The following SPEN variants were observed in gnomAD, a reference collection of about 807,000 sequenced individuals.
The protein encoded by SPEN is msx2-interacting protein.
A neutral mutation model predicts 269.9 loss-of-function variants in SPEN; 18 were observed. The observed-to-expected ratio is 0.07, with a 90% CI of 0.05 to 0.10. The LOEUF is 0.10. Among genes scored for constraint, SPEN ranks in the 10% least tolerant of loss-of-function variants. SPEN has a pLI of 1.00. For missense variants in SPEN, 3,822 were observed against 4,631.2 expected (o/e 0.83, Z 5.07); for synonymous variants, 1,726 against 1,765.7 (o/e 0.98, Z 0.56).
intron 7 of SPEN, 41 bp downstream of exon 7, chr1:15,919,092 C>G: frequency 6.4e-7 from 1 of 1,574,390 alleles, no homozygotes. Flanking sequence ...TTATGATTTG[C>G]TTTGTTTTTT....
intron 3 of SPEN, among the ~76,000 whole-genome samples, chr1:15,885,209 A>AT (rs575141801): frequency 1.3e-4 from 20 of 149,314 alleles, no homozygotes; most frequent in Admixed American, 3.4e-4. Flanking sequence ...GTGATTCTTT[A>AT]TTTTTTTTTT....
In SPEN at chr1:15,932,949, C is replaced by G. The variant is rs143534390; in HGVS notation, c.6709C>G (p.Pro2237Ala). Residue 2237 changes from proline to alanine, a missense_variant, in exon 11 of 15, where the codon CCA becomes GCA. Physicochemically the swap from Pro to Ala is conservative, Grantham distance 27. Transcript: ENST00000375759. The surrounding 1 kb of genome is among the most constrained non-coding windows in gnomAD (Gnocchi z 4.2). ...SGEPENFPAP[P>A]PYPGESQTDL... ...GGAGCCAGAAAACTTCCCAGCACCT[C>G]CACCTTATCCTGGAGAATCCCAGAC... 133 of 1,614,232 alleles carry G rather than the reference C, an allele frequency of 8.2e-5. No homozygotes were observed. The highest frequency in any genetic ancestry group is 6.9e-4 in the South Asian group (63 of 91,084).
rs145806207 is a variant in SPEN at position 15,933,887 on chromosome 1, C to T, written c.7647C>T (p.Val2549=). The T allele has an allele frequency of 5.7e-4, 922 of 1,613,980 alleles. 6 individuals carry two copies. In the African/African-American group the frequency reaches 0.01, roughly 18 times the overall value. The change falls in exon 11 of 15, where the codon GTC becomes GTT. Residue 2549 remains valine (V), a synonymous_variant. Coordinates refer to ENST00000375759, the MANE Select transcript of SPEN (RefSeq NM_015001.3). The surrounding 1 kb of genome is among the most constrained non-coding windows in gnomAD (Gnocchi z 5.7). The part of the protein sequence containing the change: ...MDPKYVSATS[V]TSTSVTTAIA... Reference sequence around the variant, plus strand: ...CCAAGTATGTGTCTGCCACAAGTGTCACTTCCACAAGTGTCACCACAGCCA... The same window carrying T: ...CCAAGTATGTGTCTGCCACAAGTGTTACTTCCACAAGTGTCACCACAGCCA...
chr1:15,933,767 G>GGCTCAGTCTACTCCATCTCCA lies in SPEN; in HGVS notation c.7532_7552dup (p.Gln2511_Ala2517dup), dbSNP rs754048628. 1 of 1,613,918 alleles carries GGCTCAGTCTACTCCATCTCCA rather than the reference G, an allele frequency of 6.2e-7. No individual in the cohort carries two copies. Among genetic ancestry groups the GGCTCAGTCTACTCCATCTCCA allele is most frequent in the Non-Finnish European group, 8.5e-7 (1 of 1,180,030 alleles). ...GGATCACAAGGCAGGAGGAGCCACG[G>GGCTCAGTCTACTCCATCTCCA]GCTCAGTCTACTCCATCTCCAGCTC... On this transcript the variant is annotated inframe_insertion, in exon 11 of 15. Transcript: ENST00000375759. The surrounding 1 kb of genome is among the most constrained non-coding windows in gnomAD (Gnocchi z 5.7).
rs553238593 is a variant in SPEN, at chr1:15,916,107, C to T, written c.1244-21C>T. The T allele has an allele frequency of 7.5e-6, 12 of 1,591,186 alleles. No individual in the cohort carries two copies. The East Asian group carries it at 1.1e-4, about 15-fold the overall frequency. On this transcript the variant is annotated intron_variant, in intron 5 of 14. Transcript: ENST00000375759. The stretch of plus-strand genomic sequence containing the variant: ...TAAAATACTGTCTTCTCTTTTTACT[C>T]GGCCCCCATTCCACTTACAGAAACA...
Position 15,933,329 on chromosome 1 carries a change from A to G in SPEN, c.7089A>G (p.Gln2363=). 6.2e-7 allele frequency: 1 copy of G among 1,614,156 alleles called. No homozygotes were observed. The highest frequency in any genetic ancestry group is 8.5e-7 in the Non-Finnish European group (1 of 1,180,036). ...ESHVPESNQA[Q]GESPAANEGT... Reference sequence around the variant, plus strand: ...ATGTCCCTGAATCCAACCAAGCTCAAGGTGAGAGTCCTGCTGCAAATGAGG... The same window carrying G: ...ATGTCCCTGAATCCAACCAAGCTCAGGGTGAGAGTCCTGCTGCAAATGAGG... Residue 2363 remains glutamine, a synonymous_variant, in exon 11 of 15, where the codon CAA becomes CAG. Coordinates refer to ENST00000375759, the MANE Select transcript of SPEN (RefSeq NM_015001.3). The surrounding 1 kb of genome is among the most constrained non-coding windows in gnomAD (Gnocchi z 5.7).
chr1:15,900,092 G>A (rs980165345), intron 3 of SPEN, among the ~76,000 whole-genome samples: 7 of 152,008 alleles, frequency 4.6e-5, no homozygotes, highest in East Asian at 1.9e-4. Flanking sequence ...GCGGTCCACC[G>A]TCCTCGGCCT....
intron 1 of SPEN, among the ~76,000 whole-genome samples, chr1:15,861,515 AATT>A (rs1448724179): frequency 2.0e-5 from 3 of 152,158 alleles, no homozygotes; most frequent in Non-Finnish European, 4.4e-5. Context: ...AGTTTTAAAA[AATT>A]ATTATTTTAC....
chr1:15,852,324 T>C (rs2070344481), intron 1 of SPEN, among the ~76,000 whole-genome samples: 1 of 152,188 alleles, frequency 6.6e-6, no homozygotes, highest in Non-Finnish European at 1.5e-5. Flanking sequence ...ACCTCTGGTT[T>C]TGAATATTCT....
intron 1 of SPEN, among the ~76,000 whole-genome samples, chr1:15,860,636 C>G (rs894828337): frequency 1.3e-4 from 19 of 150,940 alleles, no homozygotes; most frequent in African/African-American, 4.6e-4. Flanking sequence ...TGGAGTCTTG[C>G]TCTGTCTCCA....
At chr1:15,884,364 C>G (rs2070716764) in intron 3 of SPEN, among the ~76,000 whole-genome samples, 1 of 151,910 alleles carries the variant, frequency 6.6e-6, no homozygotes, top group Non-Finnish European at 1.5e-5. Flanking sequence ...TTGCAGTTAA[C>G]TTATTTTAGT....
chr1:15,940,305 G>A lies in SPEN; in HGVS notation c.*878G>A. ...GATGTGGAAGTGTCACACGGCACCT[G>A]TACAAAAAGACTGGCTAACCCCTCT... On this transcript the variant is annotated 3_prime_UTR_variant, in exon 15 of 15. Transcript: ENST00000375759. 4.3e-6 allele frequency: 1 copy of A among 233,104 alleles called. No individual in the cohort carries two copies. Among genetic ancestry groups the A allele is most frequent in the Non-Finnish European group, 8.5e-6 (1 of 117,704 alleles). 14.4% of individuals were successfully genotyped at this position (233,104 alleles called of 1,614,324 possible). A position where few individuals can be genotyped will look rare whatever the true frequency, so the allele number is the denominator to read the frequency against.
intron 1 of SPEN, among the ~76,000 whole-genome samples, chr1:15,855,752 A>C (rs1312785444): frequency 6.6e-6 from 1 of 151,332 alleles, no homozygotes; most frequent in Non-Finnish European, 1.5e-5. Flanking sequence ...AATCCCAGCT[A>C]CTCGGGAGGC....
At chr1:15,871,909 T>C (rs1200444714) in intron 1 of SPEN, among the ~76,000 whole-genome samples, 1 of 152,164 alleles carries the variant, frequency 6.6e-6, no homozygotes, top group African/African-American at 2.4e-5. Flanking sequence ...TAGTCGTTTT[T>C]AGACTATAAA....
intron 5 of SPEN, among the ~76,000 whole-genome samples, chr1:15,914,828 G>GA (rs1047190613): frequency 9.3e-5 from 14 of 151,294 alleles, no homozygotes; most frequent in African/African-American, 3.4e-4. Flanking sequence ...CCATCTCAAA[G>GA]AAAAAAAAGA....
chr1:15,876,238 T>C lies in SPEN; in HGVS notation c.441T>C (p.Ser147=). ...ACAGGGAGCGTGCTTATGAACATAG[T>C]GCCTATGGACACCATGAACGGGGGA... is the stretch of plus-strand genomic sequence containing the variant. The part of the protein sequence containing the change: ...SDNRERAYEH[S]AYGHHERGTG... The change falls in exon 3 of 15, where the codon AGT becomes AGC. Residue 147 remains serine, a synonymous_variant. Transcript: ENST00000375759. 1 of 1,614,018 alleles carries C rather than the reference T, an allele frequency of 6.2e-7. No homozygotes were observed. The highest frequency in any genetic ancestry group is 8.5e-7 in the Non-Finnish European group (1 of 1,179,976).
chr1:15,909,293 A>G (rs749529660), intron 3 of SPEN, 28 bp from the exon 4 acceptor site: 3 of 1,584,412 alleles, frequency 1.9e-6, no homozygotes, highest in Non-Finnish European at 1.7e-6. Flanking sequence ...TCTTTTCACT[A>G]AAGTTTGTTG....
chr1:15,932,602 C>T lies in SPEN; in HGVS notation c.6362C>T (p.Pro2121Leu), dbSNP rs757078611. 12 of 1,606,814 alleles carry T rather than the reference C, an allele frequency of 7.5e-6. No homozygotes were observed. The East Asian group carries it at 2.0e-4, about 27-fold the overall frequency. The change falls in exon 11 of 15, where the codon CCT (proline) becomes CTT (leucine). Residue 2121 changes from proline to leucine, a missense_variant. Physicochemically the swap from Pro to Leu is moderately conservative, Grantham distance 98 (BLOSUM62 -3). Around this residue, in one of 16 missense-constraint regions of SPEN, gnomAD observed 727 missense variants for 737.9 expected, o/e 0.99. Transcript: ENST00000375759. This position sits in a 1 kb window ranked among gnomAD's most constrained non-coding sequence, Gnocchi z 4.2. ...GAATCTGGGGTGGTGGCAGTCTCCC[C>T]TGAGAAAAGTGAGAGTCCCCAAAAG... ...ERESGVVAVS[P>L]EKSESPQKED...
In SPEN at chr1:15,935,039, C is replaced by T; in HGVS notation, c.8799C>T (p.Thr2933=). The change falls in exon 11 of 15, where the codon ACC becomes ACT. Residue 2933 remains threonine, a synonymous_variant. Coordinates refer to ENST00000375759, the MANE Select transcript of SPEN (RefSeq NM_015001.3). This position sits in a 1 kb window ranked among gnomAD's most constrained non-coding sequence, Gnocchi z 7.7. ...AGGGAGGCACAGTGAAGGTTCTCAC[C>T]CAGGGGATCAACACACCCCCTGTGC... ...VTQGGTVKVL[T]QGINTPPVLV... 1.2e-6 allele frequency: 2 copies of T among 1,614,044 alleles called. No homozygotes were observed. Among genetic ancestry groups the T allele is most frequent in the Non-Finnish European group, 1.7e-6 (2 of 1,179,988 alleles).
Sources: gnomAD v4.1 joint callset for allele counts (sites outside exome capture counted in the v4.1 genomes callset) on GRCh38, gnomAD v4.1.1 for gene constraint, gnomAD v4.1.1 regional missense constraint, Gnocchi (gnomAD v3.1) non-coding constraint, MANE v1.5 for transcripts, NCBI Gene and HGNC (gene_info 2026-07-23, HGNC 2026-07-21) for gene names.